Variants in PCDH17 observed in about 807,000 individuals in gnomAD.
PCDH17 encodes protocadherin-17.
Under a neutral mutation model 67.7 loss-of-function variants are expected in PCDH17, and 21 were observed. The ratio of observed to expected loss-of-function variants is 0.31; its 90% CI spans 0.22 to 0.45. The LOEUF (loss-of-function observed/expected upper bound fraction) is 0.45, where lower values mean the gene tolerates loss of function less well. Among genes scored for constraint, PCDH17 ranks in the 20% least tolerant of loss-of-function variants. The pLI is 1.00. For synonymous variants in PCDH17, 701 were observed against 656.7 expected, an observed-to-expected ratio of 1.07 and a Z score of -1.03; for missense variants, 1,471 against 1,564.8, an observed-to-expected ratio of 0.94 and a Z score of 1.01.
At chr13:57,695,032 T>C (rs891578846) in intron 3 of PCDH17, among the ~76,000 whole-genome samples, 3 of 151,234 alleles carry the variant, frequency 2.0e-5, no homozygotes, top group African/African-American at 7.3e-5. Context: ...GGATACTTGC[T>C]AAGTAGGACA....
At chr13:57,664,371 G>A (rs1955223865) in intron 1 of PCDH17, among the ~76,000 whole-genome samples, 2 of 151,990 alleles carry the variant, frequency 1.3e-5, no homozygotes, top group Admixed American at 6.6e-5. Context: ...AATTTTAATA[G>A]CTCTTCATTC....
intron 3 of PCDH17, among the ~76,000 whole-genome samples, chr13:57,683,782 A>T (rs1181094250): frequency 6.6e-6 from 1 of 151,870 alleles, no homozygotes; most frequent in East Asian, 1.9e-4. Flanking sequence ...GAATACCCAG[A>T]TAGTAGTGGG....
intron 3 of PCDH17, among the ~76,000 whole-genome samples, chr13:57,694,197 A>G (rs548838415): frequency 9.9e-5 from 15 of 151,302 alleles, no homozygotes; most frequent in African/African-American, 3.6e-4. Context: ...GGTTTATGCT[A>G]TGTTTTCTCA....
chr13:57,688,181 C>A (rs1485276443), intron 3 of PCDH17, among the ~76,000 whole-genome samples: 1 of 151,692 alleles, frequency 6.6e-6, no homozygotes, highest in East Asian at 2.0e-4. Context: ...GTGGTGCACA[C>A]CTGTAGTCCC....
chr13:57,650,218 TTGTGTGTG>T (rs67398023), intron 1 of PCDH17, among the ~76,000 whole-genome samples: 1,749 of 137,526 alleles, frequency 0.013, 21 homozygotes, highest in South Asian at 0.036. Flanking sequence ...GGACCCTTGA[TTGTGTGTG>T]TGTGTGTGTG....
intron 3 of PCDH17, among the ~76,000 whole-genome samples, chr13:57,704,277 A>T (rs549417780): frequency 3.2e-4 from 49 of 152,214 alleles, no homozygotes; most frequent in African/African-American, 1.2e-3. Flanking sequence ...GATAATGATG[A>T]TTACATGGCT....
chr13:57,711,183 A>C (rs568748248), intron 3 of PCDH17, among the ~76,000 whole-genome samples: 1 of 151,938 alleles, frequency 6.6e-6, no homozygotes, highest in Non-Finnish European at 1.5e-5. Context: ...ACATTATTTC[A>C]TGTGTTCCTC....
At chr13:57,679,853 ACT>A (rs1955431839) in intron 3 of PCDH17, among the ~76,000 whole-genome samples, 1 of 151,492 alleles carries the variant, frequency 6.6e-6, no homozygotes, top group African/African-American at 2.4e-5. Flanking sequence ...GCATTACTGC[ACT>A]CTGTTAGAAA....
intron 3 of PCDH17, among the ~76,000 whole-genome samples, chr13:57,693,080 G>A (rs1955573671): frequency 6.7e-6 from 1 of 150,302 alleles, no homozygotes; most frequent in Admixed American, 6.7e-5. Context: ...GGAGGTTATA[G>A]TTTTTGTACT....
At chr13:57,655,617 T>C (rs1187096087) in intron 1 of PCDH17, among the ~76,000 whole-genome samples, 1 of 152,084 alleles carries the variant, frequency 6.6e-6, no homozygotes, top group Non-Finnish European at 1.5e-5. Flanking sequence ...TAAGTAATCA[T>C]ATGATTAAAC....
chr13:57,632,086 A>C lies in PCDH17; in HGVS notation c.-461A>C. ...CCCTCCCCCACTCGATGTGAAGAGTATTCCGGAGTCTCCGGGCGGGAGTAG... is the reference window on the plus strand; with the variant it reads ...CCCTCCCCCACTCGATGTGAAGAGTCTTCCGGAGTCTCCGGGCGGGAGTAG... On this transcript the variant is annotated 5_prime_UTR_variant, in exon 1 of 4. Transcript: ENST00000377918. 4.7e-6 allele frequency: 1 copy of C among 214,098 alleles called. No individual in the cohort carries two copies. Among genetic ancestry groups the C allele is most frequent in the South Asian group, 7.0e-5 (1 of 14,290 alleles). 13.3% of individuals were successfully genotyped at this position (214,098 alleles called of 1,614,324 possible). A position where few individuals can be genotyped will look rare whatever the true frequency, so the allele number is the denominator to read the frequency against.
Position 57,728,728 on chromosome 13 carries a change from A to G in PCDH17, c.*3434A>G, listed in dbSNP as rs1314819656. 6.6e-6 allele frequency: 1 copy of G among 152,106 alleles called. No homozygotes were observed. The highest frequency in any genetic ancestry group is 1.5e-5 in the Non-Finnish European group (1 of 67,978). The allele number at this position is 152,106 out of a possible 1,614,324, so 9.4% of individuals were successfully genotyped here. ...GATTGGCTCACTACTCCATAGGTTA[A>G]TTGAATTCCTGGTTGAGAAACTAAC... On this transcript the variant is annotated 3_prime_UTR_variant, in exon 4 of 4. Coordinates refer to ENST00000377918, the MANE Select transcript of PCDH17 (RefSeq NM_001040429.3).
intron 3 of PCDH17, among the ~76,000 whole-genome samples, chr13:57,676,336 G>A (rs1955391047): frequency 6.6e-6 from 1 of 151,878 alleles, no homozygotes; most frequent in Non-Finnish European, 1.5e-5. Flanking sequence ...GACTTCAGTA[G>A]CTGCCTAAAC....
Position 57,724,839 on chromosome 13 carries a change from A to G in PCDH17, c.3025A>G (p.Thr1009Ala), listed in dbSNP as rs1566250008. ...CTFGKDKREH[T>A]ILIANVKPYL... Reference sequence around the variant, plus strand: ...ATTTGGAAAAGACAAGCGAGAGCACACTATTCTCATTGCCAACGTTAAACC... The same window carrying G: ...ATTTGGAAAAGACAAGCGAGAGCACGCTATTCTCATTGCCAACGTTAAACC... The change falls in exon 4 of 4, where the codon ACT (threonine) becomes GCT (alanine). Residue 1009 changes from threonine (T) to alanine (A), a missense_variant. By Grantham distance (58) the Thr-to-Ala change is moderately conservative. Coordinates refer to ENST00000377918, the MANE Select transcript of PCDH17 (RefSeq NM_001040429.3). 4 of 1,614,170 alleles carry G rather than the reference A, an allele frequency of 2.5e-6. No individual in the cohort carries two copies. The highest frequency in any genetic ancestry group is 1.7e-5 in the Admixed American group (1 of 60,014).
chr13:57,652,671 C>T (rs1289163956), intron 1 of PCDH17, among the ~76,000 whole-genome samples: 1 of 152,120 alleles, frequency 6.6e-6, no homozygotes, highest in Non-Finnish European at 1.5e-5. Flanking sequence ...CGTACAATTG[C>T]TTCTGATTCC....
intron 1 of PCDH17, among the ~76,000 whole-genome samples, chr13:57,641,448 T>C (rs532182182): frequency 1.4e-5 from 2 of 146,682 alleles, no homozygotes; most frequent in Non-Finnish European, 3.0e-5. Context: ...AAAAATCCCA[T>C]AACAAAATAT....
At chr13:57,650,539 T>G (rs1955023737) in intron 1 of PCDH17, among the ~76,000 whole-genome samples, 1 of 152,148 alleles carries the variant, frequency 6.6e-6, no homozygotes, top group South Asian at 2.1e-4. Context: ...ACTCCTGATA[T>G]TCAGATATCC....
Position 57,632,954 on chromosome 13 carries a change from G to T in PCDH17, c.408G>T (p.Gln136His), listed in dbSNP as rs371486551. 14 of 1,613,752 alleles carry T rather than the reference G, an allele frequency of 8.7e-6. No homozygotes were observed. The highest frequency in any genetic ancestry group is 1.6e-4 in the Middle Eastern group (1 of 6,084). Residue 136 changes from glutamine to histidine, a missense_variant, in exon 1 of 4, where the codon CAG becomes CAT. Around this residue, in one of 3 missense-constraint regions of PCDH17, gnomAD observed 1,163 missense variants for 1,230.0 expected, o/e 0.95. Coordinates refer to ENST00000377918, the MANE Select transcript of PCDH17 (RefSeq NM_001040429.3). ...NDNAPSFSSD[Q>H]IEMDISENAA... ...ACGCGCCCTCCTTCTCCTCGGACCA[G>T]ATCGAAATGGACATCTCGGAGAACG...
chr13:57,666,381 A>G (rs1399906463), intron 1 of PCDH17, 87 bp from the exon 2 acceptor site: 2 of 993,464 alleles, frequency 2.0e-6, no homozygotes, highest in African/African-American at 3.3e-5. Context: ...TGAATTATTA[A>G]TCATTTTTCC....
Sources: allele counts gnomAD v4.1 joint callset (sites outside exome capture counted in the v4.1 genomes callset), GRCh38; gene constraint gnomAD v4.1.1; regional missense constraint gnomAD v4.1.1; transcripts MANE v1.5; gene names NCBI Gene and HGNC (gene_info 2026-07-23, HGNC 2026-07-21).